AKAP13: variants seen among roughly 807,000 people sequenced by gnomAD.
AKAP13 encodes A-kinase anchoring protein 13.
AKAP13 carries 80 observed loss-of-function variants against 264.5 expected under a neutral mutation model. That is an observed-to-expected ratio of 0.30 (90% CI 0.25 to 0.36). The LOEUF (loss-of-function observed/expected upper bound fraction) is 0.36, where lower values mean the gene tolerates loss of function less well. Among genes scored for constraint, AKAP13 ranks in the 10% least tolerant of loss-of-function variants. The probability of loss-of-function intolerance (pLI) is 1.00; values close to 1 mark genes in which losing one functional copy is unlikely to be tolerated. For missense variants in AKAP13, 3,712 were observed against 3,435.2 expected, an observed-to-expected ratio of 1.08 and a Z score of -2.01; for synonymous variants, 1,380 against 1,250.2, an observed-to-expected ratio of 1.10 and a Z score of -2.19.
intron 1 of AKAP13, among the ~76,000 whole-genome samples, chr15:85,401,737 C>T (rs187043327): frequency 5.8e-4 from 89 of 152,298 alleles, no homozygotes; most frequent in African/African-American, 2.1e-3. Context: ...ACTTTCTTTC[C>T]TGTCTTAGGG....
intron 1 of AKAP13, among the ~76,000 whole-genome samples, chr15:85,384,406 A>G (rs2070446469): frequency 6.6e-6 from 1 of 152,192 alleles, no homozygotes; most frequent in Admixed American, 6.5e-5. Flanking sequence ...GAGACGAGAA[A>G]GCTGTGGGTG....
rs184402524 is a variant in AKAP13 at position 85,674,844 on chromosome 15, A to G, written c.5101+5014A>G. Among the ~76,000 whole-genome samples the G allele has an allele frequency of 4.0e-4, 60 of 149,272 alleles. No individual in the cohort carries two copies. In the East Asian group the frequency reaches 5.2e-3, roughly 13 times the overall value. On this transcript the variant is annotated intron_variant, in intron 14 of 36. Coordinates refer to ENST00000394518, the MANE Select transcript of AKAP13 (RefSeq NM_007200.5). Reference sequence around the variant, plus strand: ...TATGTATGTGTGTGTGTGTGTGTATATATATATGAATATATGTGAATATAT... The same window carrying G: ...TATGTATGTGTGTGTGTGTGTGTATGTATATATGAATATATGTGAATATAT...
At chr15:85,642,107 G>A (rs1209082634) in intron 9 of AKAP13, among the ~76,000 whole-genome samples, 2 of 152,102 alleles carry the variant, frequency 1.3e-5, no homozygotes, top group South Asian at 2.1e-4. Flanking sequence ...ACTGTCATCT[G>A]GATACTTACT....
chr15:85,626,551 A>G (rs1343811738), intron 8 of AKAP13, among the ~76,000 whole-genome samples: 2 of 152,270 alleles, frequency 1.3e-5, no homozygotes, highest in African/African-American at 2.4e-5. Context: ...TTCAAGGTTC[A>G]TCCATATTAT....
intron 1 of AKAP13, among the ~76,000 whole-genome samples, chr15:85,387,938 CTT>C (rs935026944): frequency 6.6e-6 from 1 of 151,768 alleles, no homozygotes; most frequent in Non-Finnish European, 1.5e-5. Flanking sequence ...GTAATAGAAG[CTT>C]TTTTTGTAGA....
At chr15:85,681,231 T>C (rs1486564100) in intron 14 of AKAP13, among the ~76,000 whole-genome samples, 1 of 152,226 alleles carries the variant, frequency 6.6e-6, no homozygotes, top group African/African-American at 2.4e-5. Flanking sequence ...GGAAGGTGTT[T>C]TGTCTAAATC....
chr15:85,744,828 A>C lies in AKAP13; in HGVS notation c.*151A>C. 1.6e-6 allele frequency: 1 copy of C among 628,424 alleles called. No individual in the cohort carries two copies. The highest frequency in any genetic ancestry group is 2.7e-6 in the Non-Finnish European group (1 of 373,298). 38.9% of individuals were successfully genotyped at this position (628,424 alleles called of 1,614,324 possible). On this transcript the variant is annotated 3_prime_UTR_variant, in exon 37 of 37. Transcript: ENST00000394518. The stretch of plus-strand genomic sequence containing the variant: ...CGGCCCCAGGTCCTGGACAATAAGC[A>C]ACAGATGATATTGAGTGTCGGGTGG...
intron 1 of AKAP13, among the ~76,000 whole-genome samples, chr15:85,434,260 G>T (rs2073162967): frequency 1.3e-5 from 2 of 152,084 alleles, no homozygotes; most frequent in South Asian, 4.1e-4. Flanking sequence ...GCGCTTTTCA[G>T]ACCGGCTTAA....
rs761321711 is a variant in AKAP13, at chr15:85,740,260, C to T, written c.7596C>T (p.Leu2532=). Residue 2532 remains leucine (L), a synonymous_variant, in exon 34 of 37, where the codon CTC becomes CTT. Transcript: ENST00000394518. ...GCGTTGTTCATCTCTACGAGCTCCTCAGCGCTCTGCAGGTGCGTGCCTTCA... is the reference window on the plus strand; with the variant it reads ...GCGTTGTTCATCTCTACGAGCTCCTTAGCGCTCTGCAGGTGCGTGCCTTCA... The part of the protein sequence containing the change: ...VQSVVHLYEL[L]SALQGVVLQQ... 6.2e-7 allele frequency: 1 copy of T among 1,614,104 alleles called. No homozygotes were observed. Among genetic ancestry groups the T allele is most frequent in the Admixed American group, 1.7e-5 (1 of 60,026 alleles).
chr15:85,562,865 T>G (rs1433811830), intron 5 of AKAP13, among the ~76,000 whole-genome samples: 1 of 33,666 alleles, frequency 3.0e-5, no homozygotes, highest in African/African-American at 6.0e-5. Flanking sequence ...CCAGCAGGTT[T>G]TTTTTGTTTT....
intron 8 of AKAP13, among the ~76,000 whole-genome samples, chr15:85,616,399 T>G (rs118151697): frequency 0.012 from 1,800 of 152,308 alleles, 114 homozygotes; most frequent in Admixed American, 0.11. Context: ...GTATAAAATA[T>G]TTTTATATTT....
intron 4 of AKAP13, among the ~76,000 whole-genome samples, chr15:85,542,537 C>T (rs533521406): frequency 9.2e-5 from 14 of 152,102 alleles, no homozygotes; most frequent in African/African-American, 2.7e-4. Flanking sequence ...CCAAAAAGTC[C>T]GAGTGCTTAG....
chr15:85,479,210 A>G (rs1254479915), intron 1 of AKAP13, among the ~76,000 whole-genome samples: 1 of 152,202 alleles, frequency 6.6e-6, no homozygotes. Context: ...TTTCTAGCTC[A>G]TATTCCCAGC....
At chr15:85,710,857 G>A (rs139903683) in intron 19 of AKAP13, among the ~76,000 whole-genome samples, 2 of 152,262 alleles carry the variant, frequency 1.3e-5, no homozygotes, top group Non-Finnish European at 2.9e-5. Flanking sequence ...AAAACAGTCT[G>A]TGTATTAGCT....
chr15:85,568,684 A>G (rs1384237120), intron 5 of AKAP13, among the ~76,000 whole-genome samples: 2 of 152,218 alleles, frequency 1.3e-5, no homozygotes, highest in African/African-American at 2.4e-5. Context: ...TTTGCTTTAT[A>G]TATCTATACA....
intron 1 of AKAP13, among the ~76,000 whole-genome samples, chr15:85,419,038 G>A (rs1453285620): frequency 1.3e-5 from 2 of 152,172 alleles, no homozygotes; most frequent in Admixed American, 1.3e-4. Context: ...TTTAATTAGA[G>A]CCATTATTTC....
rs752185676 is a variant in AKAP13, at chr15:85,727,225, A to C, written c.6982A>C (p.Ile2328Leu). 2 of 1,614,224 alleles carry C rather than the reference A, an allele frequency of 1.2e-6. No individual in the cohort carries two copies. Among genetic ancestry groups the C allele is most frequent in the South Asian group, 1.1e-5 (1 of 91,082 alleles). The change falls in exon 28 of 37, where the codon ATT becomes CTT. Residue 2328 changes from isoleucine (I) to leucine (L), a missense_variant. By Grantham distance (5) the Ile-to-Leu change is conservative (BLOSUM62 2). Transcript: ENST00000394518. This position sits in a 1 kb window ranked among gnomAD's most constrained non-coding sequence, Gnocchi z 5.3. The stretch of plus-strand genomic sequence containing the variant: ...GGAACGAAACAGCTGGATTCAGATC[A>C]TTCAGGACACAATCAACACCCTGTA... ...KEERNSWIQI[I>L]QDTINTLNRD...
chr15:85,636,280 T>G (rs2082068654), intron 8 of AKAP13, among the ~76,000 whole-genome samples: 1 of 152,228 alleles, frequency 6.6e-6, no homozygotes, highest in Admixed American at 6.5e-5. Context: ...CATTATTTAT[T>G]CCAGTATTTT....
intron 2 of AKAP13, among the ~76,000 whole-genome samples, chr15:85,492,090 GTT>G (rs1293440956): frequency 6.6e-6 from 1 of 152,178 alleles, no homozygotes; most frequent in Non-Finnish European, 1.5e-5. Context: ...GTCCACAACT[GTT>G]CCATAAGATG....
Sources: gnomAD v4.1 joint callset for allele counts (sites outside exome capture counted in the v4.1 genomes callset) on GRCh38, gnomAD v4.1.1 for gene constraint, Gnocchi (gnomAD v3.1) non-coding constraint, MANE v1.5 for transcripts, NCBI Gene and HGNC (gene_info 2026-07-23, HGNC 2026-07-21) for gene names.